The following MARCHF4 variants were observed in gnomAD, a reference collection of about 807,000 sequenced individuals.
The protein encoded by MARCHF4 is membrane associated ring-CH-type finger 4.
A neutral mutation model predicts 43.9 loss-of-function variants in MARCHF4; 14 were observed. The ratio of observed to expected loss-of-function variants is 0.32; its 90% CI spans 0.21 to 0.50. The LOEUF (loss-of-function observed/expected upper bound fraction) is 0.50, where lower values mean the gene tolerates loss of function less well. Ranked by LOEUF, MARCHF4 falls within the 20% of genes least tolerant of loss-of-function variation. The pLI is 0.98. For missense variants in MARCHF4, 468 were observed against 536.7 expected, an observed-to-expected ratio of 0.87 and a Z score of 1.27; for synonymous variants, 226 against 213.3, an observed-to-expected ratio of 1.06 and a Z score of -0.52.
At chr2:216,316,470 C>A (rs548022271) in intron 1 of MARCHF4, among the ~76,000 whole-genome samples, 49 of 152,116 alleles carry the variant, frequency 3.2e-4, no homozygotes, top group Non-Finnish European at 6.0e-4. Flanking sequence ...AGATGAAAGG[C>A]AAATTTCTAG....
At chr2:216,267,995 G>T (rs925114952) in intron 3 of MARCHF4, among the ~76,000 whole-genome samples, 1 of 152,226 alleles carries the variant, frequency 6.6e-6, no homozygotes, top group Non-Finnish European at 1.5e-5. Context: ...GTGGGAAGGA[G>T]TTAACACGGA....
chr2:216,270,641 C>G (rs967356350), intron 3 of MARCHF4, among the ~76,000 whole-genome samples: 11 of 152,134 alleles, frequency 7.2e-5, no homozygotes, highest in Admixed American at 2.6e-4. Flanking sequence ...GCTCTTGCCT[C>G]TCTGCCTGGA....
At chr2:216,299,612 T>C (rs1055134800) in intron 1 of MARCHF4, among the ~76,000 whole-genome samples, 1 of 152,248 alleles carries the variant, frequency 6.6e-6, no homozygotes, top group Non-Finnish European at 1.5e-5. Flanking sequence ...CTTTTCATGG[T>C]GAATGAACAC....
chr2:216,323,137 A>G (rs1559099594), intron 1 of MARCHF4, among the ~76,000 whole-genome samples: 1 of 152,128 alleles, frequency 6.6e-6, no homozygotes, highest in East Asian at 1.9e-4. Flanking sequence ...TAGATGTTCA[A>G]ACTGATACCC....
intron 2 of MARCHF4, among the ~76,000 whole-genome samples, chr2:216,279,383 A>T (rs1242158153): frequency 1.3e-5 from 2 of 152,240 alleles, no homozygotes; most frequent in Non-Finnish European, 2.9e-5. Context: ...CTTGTAGAAT[A>T]TGCAGAGACT....
rs143474943 is a variant in MARCHF4 at position 216,289,664 on chromosome 2, G to A, written c.517-5935C>T. ...CCTAGCTTACCTGGTTGCCATGGTA[G>A]TGACAGGTAAACCAAAGACTTCCTT... On this transcript the variant is annotated intron_variant, in intron 1 of 3. Coordinates refer to ENST00000273067, the MANE Select transcript of MARCHF4 (RefSeq NM_020814.3). Among the ~76,000 whole-genome samples the A allele has an allele frequency of 5.4e-3, 824 of 152,320 alleles. 8 individuals are homozygous for A. The highest frequency in any genetic ancestry group is 0.019 in the African/African-American group (788 of 41,582).
intron 1 of MARCHF4, among the ~76,000 whole-genome samples, chr2:216,363,754 T>C (rs888896289): frequency 2.6e-5 from 4 of 152,152 alleles, no homozygotes; most frequent in African/African-American, 9.7e-5. Flanking sequence ...AAATTTACAA[T>C]TGCAGCAACA....
intron 1 of MARCHF4, among the ~76,000 whole-genome samples, chr2:216,293,570 TAAAAA>T (rs11317578): frequency 8.5e-6 from 1 of 118,140 alleles, no homozygotes; most frequent in African/African-American, 2.7e-5. Context: ...CATTTCAATG[TAAAAA>T]AAAAAAAAAA....
At chr2:216,326,962 A>G (rs943936002) in intron 1 of MARCHF4, among the ~76,000 whole-genome samples, 18 of 151,738 alleles carry the variant, frequency 1.2e-4, no homozygotes, top group African/African-American at 4.4e-4. Context: ...AAAGTATAAT[A>G]ATAAAAAATA....
chr2:216,263,493 AAGAGAGAGAGAGAGAGAGAGAGAGAG>A (rs150783185), intron 3 of MARCHF4, among the ~76,000 whole-genome samples: 3 of 58,884 alleles, frequency 5.1e-5, no homozygotes, highest in South Asian at 4.5e-4. Flanking sequence ...AGGAGAGAGA[AAGAGAGAGAGAGAGAGAGAGAGAGAG>A]AGAGAGAGAG....
At chr2:216,362,680 C>T (rs115814809) in intron 1 of MARCHF4, among the ~76,000 whole-genome samples, 1,578 of 152,218 alleles carry the variant, frequency 0.01, 36 homozygotes, top group African/African-American at 0.036. Flanking sequence ...TGGAAACTCC[C>T]CCCTTTCTTT....
intron 1 of MARCHF4, among the ~76,000 whole-genome samples, chr2:216,332,425 GA>G (rs891573422): frequency 4.1e-5 from 6 of 148,004 alleles, no homozygotes; most frequent in Admixed American, 3.4e-4. Context: ...AAAGAAAAAA[GA>G]AAAAAACTAA....
chr2:216,303,905 T>A (rs181289159), intron 1 of MARCHF4, among the ~76,000 whole-genome samples: 1 of 151,766 alleles, frequency 6.6e-6, no homozygotes, highest in Non-Finnish European at 1.5e-5. Flanking sequence ...GAAGCAGGAG[T>A]TCTTTGTAAA....
intron 1 of MARCHF4, among the ~76,000 whole-genome samples, chr2:216,312,619 T>C (rs1691706483): frequency 6.6e-6 from 1 of 152,210 alleles, no homozygotes; most frequent in Non-Finnish European, 1.5e-5. Flanking sequence ...TGGTTTTAAT[T>C]TGCATTCCTC....
rs573898351 is a variant in MARCHF4 at position 216,304,784 on chromosome 2, T to A, written c.517-21055A>T. The stretch of plus-strand genomic sequence containing the variant: ...GCCTGGCTAACATGGAGAAACCCCA[T>A]CTCTACTGAAAATACAAAAATGATC... On this transcript the variant is annotated intron_variant, in intron 1 of 3. Transcript: ENST00000273067. Among the ~76,000 whole-genome samples, 3 of 152,028 alleles carry A rather than the reference T, an allele frequency of 2.0e-5. No individual in the cohort carries two copies. In the South Asian group the frequency reaches 6.2e-4, roughly 32 times the overall value.
intron 1 of MARCHF4, among the ~76,000 whole-genome samples, chr2:216,367,771 T>G (rs564992604): frequency 6.6e-6 from 1 of 152,390 alleles, no homozygotes; most frequent in East Asian, 1.9e-4. Context: ...GACCAGATCT[T>G]GTATCACATG....
chr2:216,344,786 A>T (rs1692289727), intron 1 of MARCHF4, among the ~76,000 whole-genome samples: 1 of 151,920 alleles, frequency 6.6e-6, no homozygotes, highest in Non-Finnish European at 1.5e-5. Context: ...AAGGTGTCCC[A>T]CAGTGAGCTG....
chr2:216,332,568 A>T (rs57789126), intron 1 of MARCHF4, among the ~76,000 whole-genome samples: 1 of 151,958 alleles, frequency 6.6e-6, no homozygotes, highest in African/African-American at 2.4e-5. Flanking sequence ...AAGGAAAAAA[A>T]TTTTAATTAA....
chr2:216,303,362 C>G (rs776332184), intron 1 of MARCHF4: 1 of 152,250 alleles, frequency 6.6e-6, no homozygotes, highest in African/African-American at 2.4e-5. Context: ...ACTGGATCAT[C>G]AGTGCTTGGG....
Sources: allele counts gnomAD v4.1 joint callset (sites outside exome capture counted in the v4.1 genomes callset), GRCh38; gene constraint gnomAD v4.1.1; transcripts MANE v1.5; gene names NCBI Gene and HGNC (gene_info 2026-07-23, HGNC 2026-07-21).